The following NOTCH2 variants were observed in gnomAD, a reference collection of about 807,000 sequenced individuals.
NOTCH2 encodes the protein neurogenic locus notch homolog protein 2.
Under a neutral mutation model 235.8 loss-of-function variants are expected in NOTCH2, and 29 were observed. The ratio of observed to expected loss-of-function variants is 0.12; its 90% CI spans 0.09 to 0.17. NOTCH2 has a LOEUF of 0.17. Ranked by LOEUF, NOTCH2 falls within the 10% of genes least tolerant of loss-of-function variation. NOTCH2 has a pLI of 1.00. For synonymous variants in NOTCH2, 1,086 were observed against 1,141.5 expected, an observed-to-expected ratio of 0.95 and a Z score of 0.98; for missense variants, 2,285 against 3,150.2, an observed-to-expected ratio of 0.73 and a Z score of 6.57.
chr1:119,965,329 C>CTAAA (rs782259595), intron 10 of NOTCH2, 124 bp downstream of exon 10: 1 of 841,956 alleles, frequency 1.2e-6, no homozygotes, highest in Non-Finnish European at 2.1e-6. Flanking sequence ...ACAGCTCTTC[C>CTAAA]TAAACACAGA....
chr1:119,987,168 A>G (rs983767246), intron 4 of NOTCH2, 86 bp from the exon 5 acceptor site: 9 of 1,521,808 alleles, frequency 5.9e-6, no homozygotes, highest in East Asian at 2.3e-5. Context: ...GGTTATTAGA[A>G]TAGACCCGCT....
intron 6 of NOTCH2, 104 bp from the exon 7 acceptor site, chr1:119,968,336 G>A: frequency 2.5e-6 from 3 of 1,217,876 alleles, no homozygotes; most frequent in Non-Finnish European, 3.5e-6. Flanking sequence ...CAGTTCCTCA[G>A]AATCCAACAT....
In NOTCH2 at chr1:119,997,029, C is replaced by G. The variant is rs1464974590; in HGVS notation, c.719G>C (p.Gly240Ala). 30 of 1,613,992 alleles carry G rather than the reference C, an allele frequency of 1.9e-5. No homozygotes were observed. The highest frequency in any genetic ancestry group is 1.7e-4 in the Middle Eastern group (1 of 6,056). The change falls in exon 4 of 34, where the codon GGT becomes GCT. Residue 240 changes from glycine (G) to alanine (A), a missense_variant. Coordinates refer to ENST00000256646, the MANE Select transcript of NOTCH2 (RefSeq NM_024408.4). ...CVNGGTCRQT[G>A]DFTFECNCLP... ...GCAGTTGCACTCAAAAGTGAAGTCA[C>G]CAGTCTGCCGACAGGTGCCTCCATT...
At chr1:119,924,581 G>T (rs1649401084) in intron 25 of NOTCH2, among the ~76,000 whole-genome samples, 1 of 152,110 alleles carries the variant, frequency 6.6e-6, no homozygotes, top group Admixed American at 6.6e-5. Context: ...AAACCTAAAT[G>T]ATGTACAAAC....
At chr1:120,037,954 T>C (rs1409784746) in intron 1 of NOTCH2, among the ~76,000 whole-genome samples, 2 of 152,118 alleles carry the variant, frequency 1.3e-5, no homozygotes, top group African/African-American at 4.8e-5. Context: ...TTTCATACTA[T>C]AAAAAAATCA....
intron 3 of NOTCH2, among the ~76,000 whole-genome samples, chr1:120,004,780 ATT>A (rs374383179): frequency 6.6e-6 from 1 of 150,440 alleles, no homozygotes; most frequent in African/African-American, 2.4e-5. Context: ...TGGTGTACAT[ATT>A]TTTTTTTTGA....
In NOTCH2 at chr1:119,996,984, G is replaced by C. The variant is rs782351035; in HGVS notation, c.751+13C>G. Reference sequence around the variant, plus strand: ...TTTGTCCCCTAATCCTGGGACACTAGGGAGCTCCTTACCTGGAAGGCAGTT... The same window carrying C: ...TTTGTCCCCTAATCCTGGGACACTACGGAGCTCCTTACCTGGAAGGCAGTT... On this transcript the variant is annotated intron_variant, in intron 4 of 33. Transcript: ENST00000256646. The C allele has an allele frequency of 2.5e-6, 4 of 1,612,398 alleles. No homozygotes were observed. In the South Asian group the frequency reaches 3.3e-5, roughly 13 times the overall value.
chr1:120,005,152 G>T, intron 3 of NOTCH2, 177 bp downstream of exon 3: 9 of 849,538 alleles, frequency 1.1e-5, no homozygotes, highest in Non-Finnish European at 1.5e-5. Context: ...TCTGCCCCCT[G>T]AAACTCTTAA....
At chr1:119,929,313 T>C in intron 22 of NOTCH2, 101 bp from the exon 23 acceptor site, 1 of 940,502 alleles carries the variant, frequency 1.1e-6, no homozygotes, top group Non-Finnish European at 1.7e-6. Context: ...TGAATCAGAG[T>C]ATACTCCTCA....
Position 119,968,132 on chromosome 1 carries a change from G to A in NOTCH2, c.1209C>T (p.Cys403=), listed in dbSNP as rs781829198. The A allele has an allele frequency of 1.9e-6, 3 of 1,614,096 alleles. No homozygotes were observed. In the East Asian group the frequency reaches 6.7e-5, roughly 36 times the overall value. ...AGTCAGCCCCTTTGTAGCCTTGTGG[G>A]CAGGTGCAAATATATTGCCCATTTA... ...NPLNGQYICT[C]PQGYKGADCT... The change falls in exon 7 of 34, where the codon TGC becomes TGT. Residue 403 remains cysteine, a synonymous_variant. Coordinates refer to ENST00000256646, the MANE Select transcript of NOTCH2 (RefSeq NM_024408.4).
At chr1:119,953,905 T>A (rs1417017268) in intron 13 of NOTCH2, among the ~76,000 whole-genome samples, 1 of 152,178 alleles carries the variant, frequency 6.6e-6, no homozygotes, top group African/African-American at 2.4e-5. Flanking sequence ...CTCACTAAGT[T>A]AGTGAAATTA....
At chr1:120,009,592 C>G (rs1805257) in intron 2 of NOTCH2, among the ~76,000 whole-genome samples, 25,482 of 151,614 alleles carry the variant, frequency 0.17, 2,343 homozygotes, top group African/African-American at 0.33. Context: ...CGCAACAAAA[C>G]TTTAATTCTA....
chr1:120,014,398 C>G (rs1437747608), intron 2 of NOTCH2, among the ~76,000 whole-genome samples: 1 of 152,140 alleles, frequency 6.6e-6, no homozygotes, highest in Non-Finnish European at 1.5e-5. Context: ...ATGGTGAGAA[C>G]CCCATCTCAA....
rs372329041 is a variant in NOTCH2 at position 119,996,974 on chromosome 1, T to C, written c.751+23A>G. ...GTGCTAGGGGTTTGTCCCCTAATCC[T>C]GGGACACTAGGGAGCTCCTTACCTG... On this transcript the variant is annotated intron_variant, in intron 4 of 33. Transcript: ENST00000256646. 8.2e-5 allele frequency: 132 copies of C among 1,606,188 alleles called. 2 individuals carry two copies. In the African/African-American group the frequency reaches 1.5e-3, roughly 18 times the overall value.
chr1:119,999,929 AAG>A lies in NOTCH2; in HGVS notation c.416-2599_416-2598del, dbSNP rs1293092168. On this transcript the variant is annotated intron_variant, in intron 3 of 33. Coordinates refer to ENST00000256646, the MANE Select transcript of NOTCH2 (RefSeq NM_024408.4). ...AGAGAGAAAGAGAGAGAAAGAAAGAAAGAAAGAAAGAAAGAAAGAAAGAAAGA... is the reference window on the plus strand; with the variant it reads ...AGAGAGAAAGAGAGAGAAAGAAAGAAAAAGAAAGAAAGAAAGAAAGAAAGA... 1.5e-3 allele frequency among the ~76,000 whole-genome samples: 132 copies of A among 88,854 alleles called. 1 individual carries two copies. The highest frequency in any genetic ancestry group is 6.9e-3 in the African/African-American group (127 of 18,526). The allele number at this position is 88,854 out of a possible 152,430, so 58.3% of individuals were successfully genotyped here. A position where few individuals can be genotyped will look rare whatever the true frequency, so the allele number is the denominator to read the frequency against.
At chr1:120,058,144 CT>C (rs1277918118) in intron 1 of NOTCH2, among the ~76,000 whole-genome samples, 1 of 151,780 alleles carries the variant, frequency 6.6e-6, no homozygotes, top group Non-Finnish European at 1.5e-5. Flanking sequence ...TGCAAAGCCC[CT>C]AGCAGAATGA....
rs901398721 is a variant in NOTCH2, at chr1:119,912,932, A to G, written c.*2374T>C. The G allele has an allele frequency of 4.3e-6, 1 of 233,508 alleles. No individual in the cohort carries two copies. The highest frequency in any genetic ancestry group is 2.2e-5 in the African/African-American group (1 of 45,350). The allele number at this position is 233,508 out of a possible 1,614,324, so 14.5% of individuals were successfully genotyped here. On this transcript the variant is annotated 3_prime_UTR_variant, in exon 34 of 34. Coordinates refer to ENST00000256646, the MANE Select transcript of NOTCH2 (RefSeq NM_024408.4). ...CAAAGGATCCAAATTAAAGTAGTCC[A>G]AGAAAAAGAAACAAGCAATTTGGTC...
rs1294954866 is a variant in NOTCH2 at position 120,069,537 on chromosome 1, A to G, written c.-131T>C. 5.6e-6 allele frequency: 8 copies of G among 1,418,776 alleles called. No homozygotes were observed. Among genetic ancestry groups the G allele is most frequent in the Admixed American group, 3.1e-5 (1 of 32,156 alleles). 87.9% of individuals were successfully genotyped at this position (1,418,776 alleles called of 1,614,324 possible). A position where few individuals can be genotyped will look rare whatever the true frequency, so the allele number is the denominator to read the frequency against. ...CTTCAAAGGCTCAGGCCCTGGCGCT[A>G]CGCTCCGAAGCCCAGGCGCAAATGC... On this transcript the variant is annotated 5_prime_UTR_variant, in exon 1 of 34. Coordinates refer to ENST00000256646, the MANE Select transcript of NOTCH2 (RefSeq NM_024408.4).
At chr1:119,975,994 T>C (rs1237940809) in intron 5 of NOTCH2, among the ~76,000 whole-genome samples, 4 of 152,234 alleles carry the variant, frequency 2.6e-5, no homozygotes, top group African/African-American at 9.6e-5. Context: ...ACTCTCATCC[T>C]TTCCAGTCAT....
Sources: allele counts gnomAD v4.1 joint callset (sites outside exome capture counted in the v4.1 genomes callset), GRCh38; gene constraint gnomAD v4.1.1; transcripts MANE v1.5; gene names NCBI Gene and HGNC (gene_info 2026-07-23, HGNC 2026-07-21).